Variants in ARHGAP11A observed in about 807,000 individuals in gnomAD.
ARHGAP11A encodes rho GTPase-activating protein 11A.
In ARHGAP11A, 36 loss-of-function variants were observed where a neutral mutation model predicts 60.5. The ratio of observed to expected loss-of-function variants is 0.59; its 90% CI spans 0.46 to 0.79. The LOEUF (loss-of-function observed/expected upper bound fraction) is 0.79, where lower values mean the gene tolerates loss of function less well. ARHGAP11A is among the 30% of genes least tolerant of loss of function. The probability of loss-of-function intolerance (pLI) is 0.00; values close to 1 mark genes in which losing one functional copy is unlikely to be tolerated. For synonymous variants in ARHGAP11A, 362 were observed against 415.5 expected (o/e 0.87, Z 1.57); for missense variants, 1,071 against 1,199.2 (o/e 0.89, Z 1.58).
At position 32,638,038 on chromosome 15, in the gene ARHGAP11A, TTAA is replaced by T. The variant is rs755338466; in HGVS notation, c.*195_*197del. 1 of 561,820 alleles carries T rather than the reference TTAA, an allele frequency of 1.8e-6. No homozygotes were observed. Among genetic ancestry groups the T allele is most frequent in the Non-Finnish European group, 3.0e-6 (1 of 331,044 alleles). The allele number at this position is 561,820 out of a possible 1,614,324, so 34.8% of individuals were successfully genotyped here. On this transcript the variant is annotated 3_prime_UTR_variant, in exon 12 of 12. Coordinates refer to ENST00000361627, the MANE Select transcript of ARHGAP11A (RefSeq NM_014783.6). ...TGTACAAATTACTTCTTTGTTTTTC[TTAA>T]TGATGGCAATTTTTAAACTTTAATT...
Position 32,615,879 on chromosome 15 carries a change from G to A in ARHGAP11A, c.-333G>A, listed in dbSNP as rs2053125625. ...AGTAGCAAGAAGTGGAGAGAATCTG[G>A]CAATAGACGAGAAACCGAAAGAATC... On this transcript the variant is annotated 5_prime_UTR_variant, in exon 1 of 12. Coordinates refer to ENST00000361627, the MANE Select transcript of ARHGAP11A (RefSeq NM_014783.6). 2.9e-6 allele frequency: 1 copy of A among 342,522 alleles called. No homozygotes were observed. Among genetic ancestry groups the A allele is most frequent in the East Asian group, 5.1e-5 (1 of 19,640 alleles). The allele number at this position is 342,522 out of a possible 1,614,324, so 21.2% of individuals were successfully genotyped here. A position where few individuals can be genotyped will look rare whatever the true frequency, so the allele number is the denominator to read the frequency against.
At chr15:32,629,788 G>A in intron 8 of ARHGAP11A, 26 bp downstream of exon 8, 2 of 1,547,138 alleles carry the variant, frequency 1.3e-6, no homozygotes, top group Non-Finnish European at 1.7e-6. Flanking sequence ...TATATAAATG[G>A]ATTGTAAAGA....
rs2053116267 is a variant in ARHGAP11A, at chr15:32,615,632, G to A, written c.-580G>A. ...GGTAGAGGCAGGCTGATGGGGGAGG[G>A]AACGAGCAGCCTGTGAGACGGGGTG... On this transcript the variant is annotated 5_prime_UTR_variant, in exon 1 of 12. Transcript: ENST00000361627. 6.6e-6 allele frequency: 1 copy of A among 152,614 alleles called. No individual in the cohort carries two copies. The allele number at this position is 152,614 out of a possible 1,614,324, so 9.5% of individuals were successfully genotyped here.
At chr15:32,616,830 T>A (rs1281813711) in intron 1 of ARHGAP11A, among the ~76,000 whole-genome samples, 1 of 152,236 alleles carries the variant, frequency 6.6e-6, no homozygotes. Flanking sequence ...GACCAGTGCA[T>A]TTTCTACATG....
At chr15:32,635,059 G>A (rs529421753) in intron 10 of ARHGAP11A, among the ~76,000 whole-genome samples, 11 of 152,214 alleles carry the variant, frequency 7.2e-5, no homozygotes, top group Admixed American at 2.0e-4. Context: ...GTGACTCCTC[G>A]TTTCACTCTG....
upstream of ARHGAP11A, chr15:32,615,322 G>A (rs1034544602): frequency 6.6e-6 from 1 of 152,112 alleles, no homozygotes; most frequent in Non-Finnish European, 1.5e-5. Context: ...AGGAACAAGT[G>A]AAACTCATCC....
At chr15:32,634,755 C>T (rs996984144) in intron 10 of ARHGAP11A, among the ~76,000 whole-genome samples, 18 of 152,196 alleles carry the variant, frequency 1.2e-4, no homozygotes, top group African/African-American at 4.3e-4. Context: ...TTCTTCCAGT[C>T]ACTTAAGCCA....
At position 32,639,707 on chromosome 15, in the gene ARHGAP11A, C is replaced by A. The variant is rs370027424; in HGVS notation, c.*1862C>A. The A allele has an allele frequency of 2.0e-5, 3 of 152,240 alleles. No homozygotes were observed. The highest frequency in any genetic ancestry group is 7.2e-5 in the African/African-American group (3 of 41,528). 9.4% of individuals were successfully genotyped at this position (152,240 alleles called of 1,614,324 possible). On this transcript the variant is annotated 3_prime_UTR_variant, in exon 12 of 12. Transcript: ENST00000361627. ...TTTTTGTTAGCTGAAAGCTGCTATA[C>A]GGAGTATTACAGGAATGTGAAGGTG...
Position 32,632,990 on chromosome 15 carries a change from A to G in ARHGAP11A, c.1117A>G (p.Thr373Ala). The G allele has an allele frequency of 1.9e-6, 3 of 1,613,242 alleles. No individual in the cohort carries two copies. Among genetic ancestry groups the G allele is most frequent in the Non-Finnish European group, 2.5e-6 (3 of 1,179,460 alleles). ...GGTTATTTTTGTAGTTCACATCGAT[A>G]CAAGCTCAGAAGGGTCATCTCAGAG... Reference protein sequence around the residue: ...SSTPVSVHIDTSSEGSSQSSL... With the variant: ...SSTPVSVHIDASSEGSSQSSL... The change falls in exon 9 of 12, where the codon ACA (threonine) becomes GCA (alanine). Residue 373 changes from threonine to alanine, a missense_variant. Coordinates refer to ENST00000361627, the MANE Select transcript of ARHGAP11A (RefSeq NM_014783.6).
In ARHGAP11A at chr15:32,625,648, C is replaced by T. The variant is rs928624616; in HGVS notation, c.862+15C>T. On this transcript the variant is annotated intron_variant, in intron 6 of 11. Transcript: ENST00000361627. ...AAGTGTAGGAGGTAAGTGGCGGTCCCATTTTATGGAGGTACAGTGATTTGC... is the reference window on the plus strand; with the variant it reads ...AAGTGTAGGAGGTAAGTGGCGGTCCTATTTTATGGAGGTACAGTGATTTGC... The T allele has an allele frequency of 8.1e-6, 13 of 1,613,648 alleles. No homozygotes were observed. Among genetic ancestry groups the T allele is most frequent in the Non-Finnish European group, 1.1e-5 (13 of 1,179,710 alleles).
In ARHGAP11A at chr15:32,637,190, A is replaced by G. The variant is rs1359875192; in HGVS notation, c.2417A>G (p.Lys806Arg). 8.1e-6 allele frequency: 13 copies of G among 1,614,184 alleles called. No individual in the cohort carries two copies. The highest frequency in any genetic ancestry group is 1.1e-5 in the Non-Finnish European group (13 of 1,180,020). ...SESSQMTEHR[K>R]VSDHIQWFNK... ...AGTTCACAAATGACAGAACATAGAA[A>G]GGTTTCTGATCACATACAGTGGTTT... Residue 806 changes from lysine to arginine, a missense_variant, in exon 12 of 12, where the codon AAG becomes AGG. Transcript: ENST00000361627.
At chr15:32,615,417 T>C (rs961060718), upstream of ARHGAP11A, 1 of 151,670 alleles carries the variant, frequency 6.6e-6, no homozygotes, top group Non-Finnish European at 1.5e-5. Flanking sequence ...CCCTCCGGGG[T>C]CCTGATTTTG....
chr15:32,621,183 C>CTTT (rs60915388), intron 2 of ARHGAP11A, among the ~76,000 whole-genome samples: 56 of 64,260 alleles, frequency 8.7e-4, no homozygotes, highest in East Asian at 3.7e-3. Context: ...ACCTTTTATT[C>CTTT]TTTTTTTTTT....
intron 7 of ARHGAP11A, among the ~76,000 whole-genome samples, chr15:32,629,318 T>C (rs28609716): frequency 0.75 from 108,867 of 144,356 alleles, 41,152 homozygotes; most frequent in Admixed American, 0.78. Flanking sequence ...TTCCTTACAT[T>C]AATATTCTTT....
intron 4 of ARHGAP11A, among the ~76,000 whole-genome samples, chr15:32,624,706 TTC>T (rs1254028088): frequency 6.6e-6 from 1 of 151,914 alleles, no homozygotes; most frequent in East Asian, 1.9e-4. Context: ...TTTAAAATAT[TTC>T]TGTTTTGCTT....
At position 32,629,606 on chromosome 15, in the gene ARHGAP11A, G is replaced by A. The variant is rs770028505; in HGVS notation, c.949G>A (p.Glu317Lys). Residue 317 changes from glutamate to lysine, a missense_variant, in exon 8 of 12, where the codon GAA becomes AAA. Physicochemically the swap from Glu to Lys is moderately conservative, Grantham distance 56 (BLOSUM62 1). Transcript: ENST00000361627. ...TGATATTTTTTCAGCCCAGCTATCT[G>A]AATCACCAGTGATTCTTACACCAAA... is the stretch of plus-strand genomic sequence containing the variant. ...PQEERIAQLS[E>K]SPVILTPNAK... The A allele has an allele frequency of 6.2e-7, 1 of 1,607,084 alleles. No homozygotes were observed.
intron 1 of ARHGAP11A, among the ~76,000 whole-genome samples, chr15:32,619,392 G>A (rs2053243076): frequency 6.6e-6 from 1 of 152,206 alleles, no homozygotes; most frequent in African/African-American, 2.4e-5. Flanking sequence ...ATTCTTCAGT[G>A]TGCAAAAACA....
chr15:32,628,952 C>T, intron 7 of ARHGAP11A, 150 bp downstream of exon 7: 1 of 577,156 alleles, frequency 1.7e-6, no homozygotes. Context: ...ACTATACACA[C>T]TATGTTGTGA....
In ARHGAP11A at chr15:32,637,982, T is replaced by C. The variant is rs2053765272; in HGVS notation, c.*137T>C. 1 of 795,720 alleles carries C rather than the reference T, an allele frequency of 1.3e-6. No homozygotes were observed. The highest frequency in any genetic ancestry group is 1.9e-6 in the Non-Finnish European group (1 of 519,594). 49.3% of individuals were successfully genotyped at this position (795,720 alleles called of 1,614,324 possible). ...TGCTCTATTGAAAATGTTTCATTTTTTTCACTGTACAAGCAACTTAGATTT... is the reference window on the plus strand; with the variant it reads ...TGCTCTATTGAAAATGTTTCATTTTCTTCACTGTACAAGCAACTTAGATTT... On this transcript the variant is annotated 3_prime_UTR_variant, in exon 12 of 12. Coordinates refer to ENST00000361627, the MANE Select transcript of ARHGAP11A (RefSeq NM_014783.6).
Sources: allele counts gnomAD v4.1 joint callset (sites outside exome capture counted in the v4.1 genomes callset), GRCh38; gene constraint gnomAD v4.1.1; transcripts MANE v1.5; gene names NCBI Gene and HGNC (gene_info 2026-07-23, HGNC 2026-07-21).